The following PCDHGA6 variants were observed in gnomAD, a reference collection of about 807,000 sequenced individuals.
PCDHGA6 encodes the protein protocadherin gamma subfamily A, 6.
In PCDHGA6, 41 loss-of-function variants were observed where a neutral mutation model predicts 60.6. That is an observed-to-expected ratio of 0.68 (90% CI 0.53 to 0.88). PCDHGA6 has a LOEUF of 0.88. Among genes scored for constraint, PCDHGA6 ranks in the 40% least tolerant of loss-of-function variants. PCDHGA6 has a pLI of 0.00. For synonymous variants in PCDHGA6, 594 were observed against 524.4 expected (o/e 1.13, Z -1.81); for missense variants, 1,312 against 1,203.0 (o/e 1.09, Z -1.34).
In PCDHGA6 at chr5:141,485,179, C is replaced by G. The variant is rs1405000217; in HGVS notation, c.2425-9628C>G. The G allele has an allele frequency of 1.2e-6, 2 of 1,612,648 alleles. No homozygotes were observed. Among genetic ancestry groups the G allele is most frequent in the African/African-American group, 2.7e-5 (2 of 74,924 alleles). ...AGAATTAGCGGGCGGCAGCAATGCT[C>G]CGCAAGGTGAGAAGCTGGACAGAAA... is the stretch of plus-strand genomic sequence containing the variant. On this transcript the variant is annotated intron_variant, in intron 1 of 3. Transcript: ENST00000517434. This position sits in a 1 kb window ranked among gnomAD's most constrained non-coding sequence, Gnocchi z 5.7.
At chr5:141,465,887 C>A (rs1267304672) in intron 1 of PCDHGA6, among the ~76,000 whole-genome samples, 1 of 152,040 alleles carries the variant, frequency 6.6e-6, no homozygotes, top group Non-Finnish European at 1.5e-5. Flanking sequence ...CTTTGGGAGG[C>A]CGAGGCGGGC....
intron 1 of PCDHGA6, chr5:141,409,483 G>C: frequency 6.2e-7 from 1 of 1,613,944 alleles, no homozygotes; most frequent in Non-Finnish European, 8.5e-7. Context: ...CCACTGACAG[G>C]GGCAAGCCGC....
At chr5:141,439,190 CAA>C (rs200519543) in intron 1 of PCDHGA6, among the ~76,000 whole-genome samples, 3 of 111,702 alleles carry the variant, frequency 2.7e-5, no homozygotes, top group Non-Finnish European at 4.0e-5. Flanking sequence ...GAGACTCTGA[CAA>C]AAAAAAAAAA....
Position 141,490,850 on chromosome 5 carries a change from G to A in PCDHGA6, c.2425-3957G>A, listed in dbSNP as rs374508743. The A allele has an allele frequency of 7.2e-5, 116 of 1,613,706 alleles. No homozygotes were observed. The highest frequency in any genetic ancestry group is 9.5e-5 in the Non-Finnish European group (112 of 1,179,902). ...ATGCTGCAGATTGTGGTGGGGGTTC[G>A]AGACTCCGGCTCTCCCCCATTGCAT... On this transcript the variant is annotated intron_variant, in intron 1 of 3. Transcript: ENST00000517434. This position sits in a 1 kb window ranked among gnomAD's most constrained non-coding sequence, Gnocchi z 5.4.
chr5:141,384,596 C>G, intron 1 of PCDHGA6: 1 of 1,614,240 alleles, frequency 6.2e-7, no homozygotes, highest in Non-Finnish European at 8.5e-7. Flanking sequence ...CTGTACCCGG[C>G]CCTCCCCACA....
Position 141,510,968 on chromosome 5 carries a change from C to A in PCDHGA6, c.2594C>A (p.Thr865Asn). 1 of 1,614,150 alleles carries A rather than the reference C, an allele frequency of 6.2e-7. No individual in the cohort carries two copies. The highest frequency in any genetic ancestry group is 8.5e-7 in the Non-Finnish European group (1 of 1,180,014). The change falls in exon 4 of 4, where the codon ACC becomes AAC. Residue 865 changes from threonine (T) to asparagine (N), a missense_variant. Transcript: ENST00000517434. ...SASEAADGSS[T>N]LGGGAGTMGL... ...GCAGAAGCTGCTGATGGGAGCTCCA[C>A]CCTGGGAGGGGGTGCCGGCACCATG...
In PCDHGA6 at chr5:141,375,714, G is replaced by C; in HGVS notation, c.1631G>C (p.Ser544Thr). 6.2e-7 allele frequency: 1 copy of C among 1,614,262 alleles called. No homozygotes were observed. Among genetic ancestry groups the C allele is most frequent in the Non-Finnish European group, 8.5e-7 (1 of 1,180,048 alleles). The change falls in exon 1 of 4, where the codon AGC becomes ACC. Residue 544 changes from serine to threonine, a missense_variant. Coordinates refer to ENST00000517434, the MANE Select transcript of PCDHGA6 (RefSeq NM_018919.3). ...ASDSGDPPLS[S>T]NVSLSLFVLD... Reference sequence around the variant, plus strand: ...GACAGCGGGGACCCGCCTCTTAGCAGCAACGTGTCACTGAGCCTGTTTGTG... The same window carrying C: ...GACAGCGGGGACCCGCCTCTTAGCACCAACGTGTCACTGAGCCTGTTTGTG...
At chr5:141,422,110 T>A in intron 1 of PCDHGA6, 1 of 1,606,626 alleles carries the variant, frequency 6.2e-7, no homozygotes, top group South Asian at 1.1e-5. Flanking sequence ...AATATTCCAA[T>A]TGGATTCACA....
At chr5:141,499,212 G>A (rs904920940) in intron 2 of PCDHGA6, among the ~76,000 whole-genome samples, 1 of 151,898 alleles carries the variant, frequency 6.6e-6, no homozygotes, top group African/African-American at 2.4e-5. Context: ...TGTAACCCAG[G>A]CCCTGCCCTG....
chr5:141,461,258 A>G lies in PCDHGA6; in HGVS notation c.2425-33549A>G, dbSNP rs2099011921. Among the ~76,000 whole-genome samples, 4 of 152,104 alleles carry G rather than the reference A, an allele frequency of 2.6e-5. No individual in the cohort carries two copies. In the South Asian group the frequency reaches 8.3e-4, roughly 31 times the overall value. The stretch of plus-strand genomic sequence containing the variant: ...GTACTAATTTATATTCCCAGCAGCA[A>G]TGTGTAAGTGTTCTCTTTTCCCCAC... On this transcript the variant is annotated intron_variant, in intron 1 of 3. Transcript: ENST00000517434.
rs779640846 is a variant in PCDHGA6, at chr5:141,375,760, G to T, written c.1677G>T (p.Ala559=). The change falls in exon 1 of 4, where the codon GCG becomes GCT. Residue 559 remains alanine (A), a synonymous_variant. Coordinates refer to ENST00000517434, the MANE Select transcript of PCDHGA6 (RefSeq NM_018919.3). ...SLFVLDQNDN[A]PEILYPALPT... ...TTGTGCTGGACCAGAATGACAATGC[G>T]CCCGAGATCCTGTACCCCGCCCTCC... The T allele has an allele frequency of 1.2e-6, 2 of 1,614,118 alleles. No individual in the cohort carries two copies. The highest frequency in any genetic ancestry group is 1.7e-5 in the Admixed American group (1 of 60,006).
At chr5:141,478,305 C>G in intron 1 of PCDHGA6, 1 of 1,614,092 alleles carries the variant, frequency 6.2e-7, no homozygotes, top group Non-Finnish European at 8.5e-7. Context: ...TACCGAGCCC[C>G]GGTGAGCTCA....
rs201120335 is a variant in PCDHGA6, at chr5:141,389,439, G to T, written c.2424+12932G>T. On this transcript the variant is annotated intron_variant, in intron 1 of 3. Transcript: ENST00000517434. ...GGTGGTGTTCGCGCAGCGCGCCTTC[G>T]ACCACGAGCAGCTGCGCGCCTTCGA... The T allele has an allele frequency of 4.0e-4, 652 of 1,610,462 alleles. No individual in the cohort carries two copies. The highest frequency in any genetic ancestry group is 5.4e-4 in the Non-Finnish European group (638 of 1,178,376).
intron 1 of PCDHGA6, chr5:141,415,759 T>TTG (rs2095938229): frequency 3.7e-6 from 5 of 1,352,054 alleles, no homozygotes; most frequent in Non-Finnish European, 4.8e-6. Flanking sequence ...TTTTTTTTTT[T>TTG]TTTTTTTTTT....
intron 1 of PCDHGA6, chr5:141,384,132 C>T (rs1290502346): frequency 6.2e-7 from 1 of 1,611,710 alleles, no homozygotes; most frequent in Non-Finnish European, 8.5e-7. Context: ...AAAACTTGGA[C>T]CGGGAAACAC....
chr5:141,393,805 C>T (rs1266380650), intron 1 of PCDHGA6: 3 of 1,613,914 alleles, frequency 1.9e-6, no homozygotes, highest in South Asian at 1.1e-5. Flanking sequence ...CTGGGGAGGA[C>T]CAAATTGCTC....
intron 1 of PCDHGA6, chr5:141,414,536 C>T (rs2095757034): frequency 6.2e-7 from 1 of 1,613,976 alleles, no homozygotes; most frequent in African/African-American, 1.3e-5. Context: ...GACAACCCAC[C>T]TACCTTCTCT....
rs559975786 is a variant in PCDHGA6, at chr5:141,406,591, A to G, written c.2424+30084A>G. Among the ~76,000 whole-genome samples, 5 of 152,282 alleles carry G rather than the reference A, an allele frequency of 3.3e-5. No homozygotes were observed. The East Asian group carries it at 9.6e-4, about 29-fold the overall frequency. On this transcript the variant is annotated intron_variant, in intron 1 of 3. Transcript: ENST00000517434. ...CTAGTAAACCAATTTTTTCCCTTTAATGGTGAAAGTTGTCACATCTTTTAT... is the reference window on the plus strand; with the variant it reads ...CTAGTAAACCAATTTTTTCCCTTTAGTGGTGAAAGTTGTCACATCTTTTAT...
In PCDHGA6 at chr5:141,486,661, G is replaced by T. The variant is rs373446844; in HGVS notation, c.2425-8146G>T. ...CGCTTATCTCCTACTCACTCCTGGA[G>T]CCCAGGAATCGAGATGTATCAGCTT... is the stretch of plus-strand genomic sequence containing the variant. On this transcript the variant is annotated intron_variant, in intron 1 of 3. Transcript: ENST00000517434. The surrounding 1 kb of genome is among the most constrained non-coding windows in gnomAD (Gnocchi z 5.0). 6.2e-6 allele frequency: 10 copies of T among 1,613,836 alleles called. No individual in the cohort carries two copies. Among genetic ancestry groups the T allele is most frequent in the African/African-American group, 4.0e-5 (3 of 74,918 alleles).
Sources: gnomAD v4.1 joint callset for allele counts (sites outside exome capture counted in the v4.1 genomes callset) on GRCh38, gnomAD v4.1.1 for gene constraint, Gnocchi (gnomAD v3.1) non-coding constraint, MANE v1.5 for transcripts, NCBI Gene and HGNC (gene_info 2026-07-23, HGNC 2026-07-21) for gene names.